The following UBE2E2 variants were observed in gnomAD, a reference collection of about 807,000 sequenced individuals.
UBE2E2 encodes ubiquitin-conjugating enzyme E2 E2.
A neutral mutation model predicts 24.7 loss-of-function variants in UBE2E2; 6 were observed. The observed-to-expected ratio is 0.24, with a 90% CI of 0.13 to 0.48. The LOEUF is 0.48. Ranked by LOEUF, UBE2E2 falls within the 20% of genes least tolerant of loss-of-function variation. The pLI, the probability that UBE2E2 is intolerant of heterozygous loss-of-function variation, is 0.99. For missense variants in UBE2E2, 169 were observed against 245.0 expected (o/e 0.69, Z 2.07); for synonymous variants, 104 against 83.6 (o/e 1.24, Z -1.33).
At chr3:23,305,088 A>T (rs199915866) in intron 3 of UBE2E2, among the ~76,000 whole-genome samples, 18 of 152,308 alleles carry the variant, frequency 1.2e-4, no homozygotes, top group African/African-American at 4.3e-4. Flanking sequence ...GGCAGATACA[A>T]GTTTTCCAAA....
intron 3 of UBE2E2, among the ~76,000 whole-genome samples, chr3:23,363,415 A>T (rs1696175205): frequency 6.6e-6 from 1 of 152,228 alleles, no homozygotes; most frequent in Admixed American, 6.5e-5. Flanking sequence ...TCTCACATGC[A>T]ATGACACTCA....
intron 3 of UBE2E2, among the ~76,000 whole-genome samples, chr3:23,326,168 T>C (rs1194892881): frequency 6.6e-6 from 1 of 152,036 alleles, no homozygotes; most frequent in African/African-American, 2.4e-5. Context: ...ACCCCTGGGG[T>C]TCAAGTGATT....
At chr3:23,535,662 C>A (rs555122305) in intron 5 of UBE2E2, among the ~76,000 whole-genome samples, 1 of 118,880 alleles carries the variant, frequency 8.4e-6, no homozygotes, top group Non-Finnish European at 1.6e-5. Context: ...CTCGCTCTGT[C>A]GCCCAGGCTG....
Position 23,590,038 on chromosome 3 carries a change from T to G in UBE2E2, c.*207T>G. Reference sequence around the variant, plus strand: ...CCCACGCTCTCTTTTATCTCTCATTTTATTCCCTTGTTGATTTCTGTTAAC... The same window carrying G: ...CCCACGCTCTCTTTTATCTCTCATTGTATTCCCTTGTTGATTTCTGTTAAC... On this transcript the variant is annotated 3_prime_UTR_variant, in exon 6 of 6. Coordinates refer to ENST00000396703, the MANE Select transcript of UBE2E2 (RefSeq NM_152653.4). 2.0e-6 allele frequency: 1 copy of G among 493,024 alleles called. No individual in the cohort carries two copies. The highest frequency in any genetic ancestry group is 3.6e-6 in the Non-Finnish European group (1 of 276,496). The allele number at this position is 493,024 out of a possible 1,614,324, so 30.5% of individuals were successfully genotyped here. A position where few individuals can be genotyped will look rare whatever the true frequency, so the allele number is the denominator to read the frequency against.
chr3:23,331,500 G>A (rs1169376373), intron 3 of UBE2E2, among the ~76,000 whole-genome samples: 1 of 151,288 alleles, frequency 6.6e-6, no homozygotes, highest in East Asian at 1.9e-4. Context: ...TCAATGGATG[G>A]GGGCAGGGAG....
chr3:23,255,079 CT>C (rs202015038), intron 3 of UBE2E2, among the ~76,000 whole-genome samples: 20,907 of 83,770 alleles, frequency 0.25, 1,075 homozygotes, highest in African/African-American at 0.31. Context: ...GAGTAACTTC[CT>C]TTTTTTTTTT....
At chr3:23,413,915 A>G (rs1405716016) in intron 3 of UBE2E2, among the ~76,000 whole-genome samples, 2 of 152,220 alleles carry the variant, frequency 1.3e-5, no homozygotes, top group South Asian at 2.1e-4. Context: ...ATGAATGCAT[A>G]TATTTATCGT....
intron 5 of UBE2E2, among the ~76,000 whole-genome samples, chr3:23,537,599 TC>T (rs1695296057): frequency 6.6e-6 from 1 of 152,212 alleles, no homozygotes; most frequent in African/African-American, 2.4e-5. Context: ...TCCCAGTGGC[TC>T]TTTTATAGTG....
chr3:23,426,569 A>G (rs1160993431), intron 3 of UBE2E2, among the ~76,000 whole-genome samples: 3 of 152,322 alleles, frequency 2.0e-5, no homozygotes, highest in Admixed American at 6.5e-5. Flanking sequence ...CATGCACACA[A>G]TAAGAGAGTG....
chr3:23,272,619 T>C (rs1167042991), intron 3 of UBE2E2, among the ~76,000 whole-genome samples: 3 of 152,210 alleles, frequency 2.0e-5, no homozygotes, highest in African/African-American at 7.2e-5. Flanking sequence ...TATGGGATGA[T>C]GTGTTAGTCA....
chr3:23,346,668 A>G (rs1009837073), intron 3 of UBE2E2, among the ~76,000 whole-genome samples: 22 of 152,238 alleles, frequency 1.4e-4, no homozygotes, highest in African/African-American at 4.6e-4. Context: ...ATTACCATGC[A>G]TAAAGTTTTA....
intron 3 of UBE2E2, among the ~76,000 whole-genome samples, chr3:23,325,719 C>G (rs1163386797): frequency 6.6e-6 from 1 of 152,216 alleles, no homozygotes; most frequent in Non-Finnish European, 1.5e-5. Context: ...AGAGAATGTG[C>G]TACTGTGAGA....
chr3:23,347,223 A>G (rs561784251), intron 3 of UBE2E2, among the ~76,000 whole-genome samples: 136 of 152,346 alleles, frequency 8.9e-4, no homozygotes, highest in Non-Finnish European at 1.6e-3. Context: ...AAAGGATTAT[A>G]AATCATGCTG....
intron 3 of UBE2E2, among the ~76,000 whole-genome samples, chr3:23,318,150 G>T (rs955654409): frequency 4.0e-5 from 6 of 151,632 alleles, no homozygotes; most frequent in African/African-American, 1.2e-4. Flanking sequence ...TTTATGACAG[G>T]GTTTTAAAAA....
intron 3 of UBE2E2, among the ~76,000 whole-genome samples, chr3:23,361,815 T>G (rs759853131): frequency 9.2e-5 from 14 of 152,154 alleles, no homozygotes; most frequent in Non-Finnish European, 2.1e-4. Flanking sequence ...ACTATTCATA[T>G]AAAAATAATA....
At chr3:23,582,891 G>GTGTA (rs1553622745) in intron 5 of UBE2E2, among the ~76,000 whole-genome samples, 102 of 148,728 alleles carry the variant, frequency 6.9e-4, no homozygotes, top group East Asian at 2.6e-3. Context: ...GTGTGTGTGT[G>GTGTA]TGTTGTGTGT....
intron 3 of UBE2E2, among the ~76,000 whole-genome samples, chr3:23,380,943 A>G (rs777032184): frequency 6.6e-6 from 1 of 152,156 alleles, no homozygotes; most frequent in Non-Finnish European, 1.5e-5. Flanking sequence ...TAATTTGGGA[A>G]CCGTTTGAGT....
At chr3:23,411,557 T>A (rs1282319462) in intron 3 of UBE2E2, among the ~76,000 whole-genome samples, 3 of 152,154 alleles carry the variant, frequency 2.0e-5, no homozygotes, top group Non-Finnish European at 4.4e-5. Flanking sequence ...GTTTTGGGGG[T>A]TGAGGTCAAA....
chr3:23,284,960 A>AT (rs1698579359), intron 3 of UBE2E2, among the ~76,000 whole-genome samples: 1 of 132,876 alleles, frequency 7.5e-6, no homozygotes, highest in East Asian at 2.1e-4. Context: ...GTTGGAAAAA[A>AT]AAATATATAT....
Sources: allele counts gnomAD v4.1 joint callset (sites outside exome capture counted in the v4.1 genomes callset), GRCh38; gene constraint gnomAD v4.1.1; transcripts MANE v1.5; gene names NCBI Gene and HGNC (gene_info 2026-07-23, HGNC 2026-07-21).